Variants in AGMO observed in about 807,000 individuals in gnomAD.
AGMO encodes the protein alkylglycerol monooxygenase.
Under a neutral mutation model 60.2 loss-of-function variants are expected in AGMO, and 75 were observed. The ratio of observed to expected loss-of-function variants is 1.25; its 90% CI spans 1.03 to 1.51. The LOEUF (loss-of-function observed/expected upper bound fraction) is 1.51. Ranked by LOEUF, AGMO falls within the 40% of genes most tolerant of loss-of-function variation. AGMO has a pLI of 0.00. For missense variants in AGMO, 763 were observed against 525.5 expected (o/e 1.45, Z -4.42); for synonymous variants, 261 against 177.1 (o/e 1.47, Z -3.76).
At chr7:15,517,953 G>A (rs1320804420) in intron 3 of AGMO, among the ~76,000 whole-genome samples, 1 of 152,116 alleles carries the variant, frequency 6.6e-6, no homozygotes, top group African/African-American at 2.4e-5. Context: ...ACAGTAGTCT[G>A]AAGTTGACCT....
At chr7:15,380,624 C>T (rs187243401) in intron 10 of AGMO, among the ~76,000 whole-genome samples, 62 of 152,200 alleles carry the variant, frequency 4.1e-4, no homozygotes, top group Non-Finnish European at 7.2e-4. Flanking sequence ...GCTTATTAAA[C>T]ATTCCTCACA....
chr7:15,277,334 TAA>T (rs1783828952), intron 12 of AGMO, among the ~76,000 whole-genome samples: 1 of 147,264 alleles, frequency 6.8e-6, no homozygotes, highest in Admixed American at 7.0e-5. Context: ...AATAAATAAA[TAA>T]ATAAATAAAT....
chr7:15,549,054 T>A (rs2115292578), intron 2 of AGMO, among the ~76,000 whole-genome samples: 1 of 150,588 alleles, frequency 6.6e-6, no homozygotes, highest in African/African-American at 2.5e-5. Flanking sequence ...GAATTTCATA[T>A]CCAGCCAAAC....
chr7:15,318,436 T>A (rs1781007753), intron 12 of AGMO, among the ~76,000 whole-genome samples: 1 of 152,152 alleles, frequency 6.6e-6, no homozygotes, highest in African/African-American at 2.4e-5. Flanking sequence ...CAAAATGGCA[T>A]TATTTAAATG....
At chr7:15,422,973 T>C (rs1173115164) in intron 4 of AGMO, among the ~76,000 whole-genome samples, 1 of 151,978 alleles carries the variant, frequency 6.6e-6, no homozygotes, top group Non-Finnish European at 1.5e-5. Flanking sequence ...AAACAGAAAA[T>C]GTAGGAGGTG....
chr7:15,212,245 A>G (rs933165651), intron 12 of AGMO, among the ~76,000 whole-genome samples: 3 of 113,894 alleles, frequency 2.6e-5, no homozygotes, highest in African/African-American at 6.6e-5. Context: ...TTAGGTGTGG[A>G]GTACACACAC....
chr7:15,542,441 T>C (rs997774161), intron 3 of AGMO, among the ~76,000 whole-genome samples: 3 of 152,230 alleles, frequency 2.0e-5, no homozygotes, highest in African/African-American at 4.8e-5. Flanking sequence ...AGAACACTTA[T>C]AATCAACATA....
intron 3 of AGMO, among the ~76,000 whole-genome samples, chr7:15,505,703 C>T (rs1193002401): frequency 6.6e-6 from 1 of 151,918 alleles, no homozygotes; most frequent in East Asian, 1.9e-4. Flanking sequence ...ATGTTAAATT[C>T]CCATGCAGAC....
chr7:15,183,014 T>A, the AGMO span, among the ~76,000 whole-genome samples: 1 of 152,086 alleles, frequency 6.6e-6, no homozygotes. Flanking sequence ...TCCACCCCCA[T>A]GATTCAATCA....
At chr7:15,355,551 A>G (rs1782497692) in intron 12 of AGMO, among the ~76,000 whole-genome samples, 2 of 151,346 alleles carry the variant, frequency 1.3e-5, no homozygotes, top group Admixed American at 6.6e-5. Context: ...AATTAATTCA[A>G]ATTATGTATT....
the AGMO span, among the ~76,000 whole-genome samples, chr7:15,146,827 C>G: frequency 0.64 from 97,738 of 151,942 alleles, 31,638 homozygotes; most frequent in East Asian, 0.73. Context: ...AGTAGCATCT[C>G]AAAATCAGTG....
At chr7:15,387,178 A>G (rs891859080) in intron 9 of AGMO, among the ~76,000 whole-genome samples, 1 of 152,220 alleles carries the variant, frequency 6.6e-6, no homozygotes, top group Non-Finnish European at 1.5e-5. Context: ...ACTGCTCCAC[A>G]ATCTGTGCTC....
chr7:15,322,609 T>TAA lies in AGMO; in HGVS notation c.1263+42904_1263+42905insTT, dbSNP rs1364060804. On this transcript the variant is annotated intron_variant, in intron 12 of 12. Coordinates refer to ENST00000342526, the MANE Select transcript of AGMO (RefSeq NM_001004320.2). ...AAATATATAAATATATATAAATATATATAAATATATAAATATATATAAATA... is the reference window on the plus strand; with the variant it reads ...AAATATATAAATATATATAAATATATAAATAAATATATAAATATATATAAATA... 3.2e-4 allele frequency among the ~76,000 whole-genome samples: 20 copies of TAA among 62,226 alleles called. 6 individuals are homozygous for TAA. Among genetic ancestry groups the TAA allele is most frequent in the African/African-American group, 1.6e-3 (16 of 10,110 alleles). The allele number at this position is 62,226 out of a possible 152,430, so 40.8% of individuals were successfully genotyped here.
the AGMO span, among the ~76,000 whole-genome samples, chr7:15,173,001 T>C: frequency 6.6e-6 from 1 of 152,206 alleles, no homozygotes; most frequent in Non-Finnish European, 1.5e-5. Context: ...TCATTACATA[T>C]CCTTATGACA....
At chr7:15,126,009 G>T in the AGMO span, among the ~76,000 whole-genome samples, 42 of 152,190 alleles carry the variant, frequency 2.8e-4, no homozygotes, top group South Asian at 6.2e-4. Flanking sequence ...CTATTCAAAT[G>T]CTAGGATTGC....
intron 12 of AGMO, among the ~76,000 whole-genome samples, chr7:15,229,891 AT>A (rs1273005545): frequency 8.6e-5 from 13 of 151,446 alleles, no homozygotes; most frequent in Non-Finnish European, 1.6e-4. Flanking sequence ...TGTAAAAGGA[AT>A]TAGAAACATT....
the AGMO span, among the ~76,000 whole-genome samples, chr7:15,134,700 C>G: frequency 6.6e-6 from 1 of 152,030 alleles, no homozygotes; most frequent in African/African-American, 2.4e-5. Flanking sequence ...TCTGGTCTAC[C>G]TTTGATGGGC....
intron 3 of AGMO, among the ~76,000 whole-genome samples, chr7:15,523,722 A>G (rs1784057643): frequency 6.6e-6 from 1 of 152,060 alleles, no homozygotes; most frequent in South Asian, 2.1e-4. Context: ...CATTAGGAGA[A>G]ATACCTAATG....
At chr7:15,175,492 G>A in the AGMO span, among the ~76,000 whole-genome samples, 2 of 151,776 alleles carry the variant, frequency 1.3e-5, no homozygotes, top group Admixed American at 1.3e-4. Flanking sequence ...ACATCTGAAT[G>A]TTTTCCATGT....
Sources: gnomAD v4.1 joint callset for allele counts (sites outside exome capture counted in the v4.1 genomes callset) on GRCh38, gnomAD v4.1.1 for gene constraint, MANE v1.5 for transcripts, NCBI Gene and HGNC (gene_info 2026-07-23, HGNC 2026-07-21) for gene names.